Variants in SNRNP200 observed in about 807,000 individuals in gnomAD.
SNRNP200 encodes small nuclear ribonucleoprotein U5 subunit 200.
In SNRNP200, 66 loss-of-function variants were observed where a neutral mutation model predicts 255.2. That is an observed-to-expected ratio of 0.26 (90% CI 0.21 to 0.32). SNRNP200 has a LOEUF of 0.32. Among genes scored for constraint, SNRNP200 ranks in the 10% least tolerant of loss-of-function variants. The pLI, the probability that SNRNP200 is intolerant of heterozygous loss-of-function variation, is 1.00. For synonymous variants in SNRNP200, 939 were observed against 1,027.8 expected (o/e 0.91, Z 1.65); for missense variants, 1,585 against 2,749.8 (o/e 0.58, Z 9.47).
Position 96,286,759 on chromosome 2 carries a change from G to A in SNRNP200, c.3758C>T (p.Thr1253Ile). The A allele has an allele frequency of 6.2e-7, 1 of 1,614,230 alleles. No homozygotes were observed. Among genetic ancestry groups the A allele is most frequent in the Non-Finnish European group, 8.5e-7 (1 of 1,180,040 alleles). The stretch of plus-strand genomic sequence containing the variant: ...CGGTTCAAAGACAGGCACGAAGAAT[G>A]TAATGAGGTGCTCGTCCTGGGCGTA... ...AKYAQDEHLITFFVPVFEPLP... is the reference protein window; with the variant it reads ...AKYAQDEHLIIFFVPVFEPLP... The change falls in exon 28 of 45, where the codon ACA becomes ATA. Residue 1253 changes from threonine to isoleucine, a missense_variant. Coordinates refer to ENST00000323853, the MANE Select transcript of SNRNP200 (RefSeq NM_014014.5). The surrounding 1 kb of genome is among the most constrained non-coding windows in gnomAD (Gnocchi z 4.8).
rs2063832854 is a variant in SNRNP200 at position 96,284,780 on chromosome 2, G to A, written c.4165-195C>T. 20 of 590,558 alleles carry A rather than the reference G, an allele frequency of 3.4e-5. 1 individual carries two copies. The South Asian group carries it at 3.8e-4, about 11-fold the overall frequency. The allele number at this position is 590,558 out of a possible 1,614,324, so 36.6% of individuals were successfully genotyped here. ...TTTTTTTCTTTTGAGATGAAGTCTCGCTCTTGTTGCCCAGGCTGGAGTGCA... is the reference window on the plus strand; with the variant it reads ...TTTTTTTCTTTTGAGATGAAGTCTCACTCTTGTTGCCCAGGCTGGAGTGCA... On this transcript the variant is annotated intron_variant, in intron 30 of 44. Transcript: ENST00000323853.
rs547236304 is a variant in SNRNP200 at position 96,295,223 on chromosome 2, CAAAT to C, written c.1842+261_1842+264del. On this transcript the variant is annotated intron_variant, in intron 14 of 44. Coordinates refer to ENST00000323853, the MANE Select transcript of SNRNP200 (RefSeq NM_014014.5). Reference sequence around the variant, plus strand: ...ACTCCATCTCAAACAAACAAACAAACAAATAAATAAATAAATAAGATGGCAAACA... The same window carrying C: ...ACTCCATCTCAAACAAACAAACAAACAAATAAATAAATAAGATGGCAAACA... 3.4e-4 allele frequency among the ~76,000 whole-genome samples: 51 copies of C among 151,394 alleles called. No homozygotes were observed. In the South Asian group the frequency reaches 7.2e-3, roughly 21 times the overall value.
rs1340599323 is a variant in SNRNP200, at chr2:96,290,194, G to A, written c.2742+132C>T. ...TGGTAACAAGGGGAACTATCTGCCA[G>A]ACCCAAGATGTGGGTGCAGGGATGG... On this transcript the variant is annotated intron_variant, in intron 20 of 44. Coordinates refer to ENST00000323853, the MANE Select transcript of SNRNP200 (RefSeq NM_014014.5). The surrounding 1 kb of genome is among the most constrained non-coding windows in gnomAD (Gnocchi z 4.5). 4.5e-6 allele frequency: 5 copies of A among 1,116,540 alleles called. No individual in the cohort carries two copies. Among genetic ancestry groups the A allele is most frequent in the Middle Eastern group, 2.8e-4 (1 of 3,520 alleles). 69.2% of individuals were successfully genotyped at this position (1,116,540 alleles called of 1,614,324 possible).
At chr2:96,302,682 G>C (rs2063960444) in intron 3 of SNRNP200, among the ~76,000 whole-genome samples, 1 of 152,178 alleles carries the variant, frequency 6.6e-6, no homozygotes, top group South Asian at 2.1e-4. Context: ...CAGGTTGTTT[G>C]ACCTGTGCTT....
chr2:96,277,287 C>A lies in SNRNP200; in HGVS notation c.5932-46G>T, dbSNP rs1336081734. 1.3e-6 allele frequency: 2 copies of A among 1,599,226 alleles called. No homozygotes were observed. The highest frequency in any genetic ancestry group is 8.6e-7 in the Non-Finnish European group (1 of 1,166,636). On this transcript the variant is annotated intron_variant, in intron 41 of 44. Transcript: ENST00000323853. The surrounding 1 kb of genome is among the most constrained non-coding windows in gnomAD (Gnocchi z 4.4). ...TCAGGAAAGAGAGAACACGGGCCAA[C>A]AGCAAATGACACAGGCAGCAAAGAG...
At chr2:96,276,025 AAC>A (rs1684651985) in intron 43 of SNRNP200, among the ~76,000 whole-genome samples, 1 of 152,240 alleles carries the variant, frequency 6.6e-6, no homozygotes, top group Non-Finnish European at 1.5e-5. Flanking sequence ...GAAAAAGCTT[AAC>A]ACAGAGCTGA....
Position 96,297,655 on chromosome 2 carries a change from A to G in SNRNP200, c.1185T>C (p.Asp395=), listed in dbSNP as rs750839425. ...SRMDTDLETM[D]LDQGGEALAP... ...ATCCTACCTCTCCACCCTGGTCGAG[A>G]TCCATGGTTTCCAGATCTGTGTCCA... Residue 395 remains aspartate, a synonymous_variant, in exon 10 of 45, where the codon GAT becomes GAC. Transcript: ENST00000323853. The G allele has an allele frequency of 6.2e-7, 1 of 1,614,234 alleles. No individual in the cohort carries two copies. Among genetic ancestry groups the G allele is most frequent in the East Asian group, 2.2e-5 (1 of 44,890 alleles).
rs576055038 is a variant in SNRNP200 at position 96,285,658 on chromosome 2, C to T, written c.4004-318G>A. 6.6e-5 allele frequency among the ~76,000 whole-genome samples: 10 copies of T among 152,330 alleles called. 1 individual carries two copies. Among genetic ancestry groups the T allele is most frequent in the Admixed American group, 3.9e-4 (6 of 15,300 alleles). ...TCTTTGCTTCTCAGGGACTAGGATG[C>T]GGGACAGAAAGGAACTGGATCCCTT... On this transcript the variant is annotated intron_variant, in intron 29 of 44. Transcript: ENST00000323853.
intron 35 of SNRNP200, among the ~76,000 whole-genome samples, chr2:96,280,568 G>A (rs1473399808): frequency 7.1e-6 from 1 of 141,408 alleles, no homozygotes; most frequent in Non-Finnish European, 1.6e-5. Context: ...CTTTTTTTTT[G>A]AGATGGAGTC....
intron 35 of SNRNP200, among the ~76,000 whole-genome samples, chr2:96,280,350 T>C (rs1200563919): frequency 6.6e-6 from 1 of 151,926 alleles, no homozygotes; most frequent in Admixed American, 6.6e-5. Context: ...AAGGAAAAAT[T>C]AGCTGGGAGT....
In SNRNP200 at chr2:96,290,954, T is replaced by C. The variant is rs2063880512; in HGVS notation, c.2422-139A>G. ...CGCGTGGGGTCCCAGTACTTGTCAA[T>C]GTGACACCAGAATAAAGAGGAAAGG... is the stretch of plus-strand genomic sequence containing the variant. On this transcript the variant is annotated intron_variant, in intron 18 of 44. Transcript: ENST00000323853. The surrounding 1 kb of genome is among the most constrained non-coding windows in gnomAD (Gnocchi z 4.5). 2 of 895,988 alleles carry C rather than the reference T, an allele frequency of 2.2e-6. No homozygotes were observed. Among genetic ancestry groups the C allele is most frequent in the Admixed American group, 2.0e-5 (1 of 49,730 alleles). The allele number at this position is 895,988 out of a possible 1,614,324, so 55.5% of individuals were successfully genotyped here.
chr2:96,276,992 G>T lies in SNRNP200; in HGVS notation c.6093-7C>A, dbSNP rs201143866. On this transcript the variant is annotated splice_region_variant and splice_polypyrimidine_tract_variant and intron_variant, in intron 42 of 44. Coordinates refer to ENST00000323853, the MANE Select transcript of SNRNP200 (RefSeq NM_014014.5). ...CACCACAACTGGCCCGCCACTGCAGGGGGAGAGGAGGGGCGCACGTCAGTG... is the reference window on the plus strand; with the variant it reads ...CACCACAACTGGCCCGCCACTGCAGTGGGAGAGGAGGGGCGCACGTCAGTG... 3.5e-5 allele frequency: 57 copies of T among 1,614,098 alleles called. 1 individual carries two copies. In the East Asian group the frequency reaches 1.2e-3, roughly 33 times the overall value.
chr2:96,290,740 C>T lies in SNRNP200; in HGVS notation c.2497G>A (p.Val833Met). ...AHTVIIKGTQ[V>M]YSPEKGRWTE... ...CAACGCCCCTTCTCTGGACTGTACA[C>T]CTGGGTGCCTTTGATGATGACTGTA... The change falls in exon 19 of 45, where the codon GTG becomes ATG. Residue 833 changes from valine to methionine, a missense_variant. Around this residue, in one of 9 missense-constraint regions of SNRNP200, gnomAD observed 140 missense variants for 274.9 expected, o/e 0.51. Coordinates refer to ENST00000323853, the MANE Select transcript of SNRNP200 (RefSeq NM_014014.5). This position sits in a 1 kb window ranked among gnomAD's most constrained non-coding sequence, Gnocchi z 4.5. 6.2e-7 allele frequency: 1 copy of T among 1,614,204 alleles called. No individual in the cohort carries two copies. Among genetic ancestry groups the T allele is most frequent in the Non-Finnish European group, 8.5e-7 (1 of 1,180,042 alleles).
chr2:96,285,287 C>A lies in SNRNP200; in HGVS notation c.4057G>T (p.Gly1353Cys). ...TCTGCACAAATAGTCTTCCCGCTGC[C>A]CGTGGGGGCCCCCACAAACACGTTG... Reference protein sequence around the residue: ...DDNVFVGAPTGSGKTICAEFA... With the variant: ...DDNVFVGAPTCSGKTICAEFA... Residue 1353 changes from glycine to cysteine, a missense_variant, in exon 30 of 45, where the codon GGC becomes TGC. By Grantham distance (159) the Gly-to-Cys change is radical (BLOSUM62 -3). This residue lies in a region of SNRNP200 where 719 missense variants were observed against 1,091.1 expected (regional missense o/e 0.66). Coordinates refer to ENST00000323853, the MANE Select transcript of SNRNP200 (RefSeq NM_014014.5). 1 of 1,614,168 alleles carries A rather than the reference C, an allele frequency of 6.2e-7. No homozygotes were observed.
intron 14 of SNRNP200, among the ~76,000 whole-genome samples, chr2:96,294,504 A>G (rs2063905001): frequency 6.6e-6 from 1 of 152,214 alleles, no homozygotes; most frequent in African/African-American, 2.4e-5. Flanking sequence ...GCAAATACTC[A>G]GCTCTGCCAT....
intron 2 of SNRNP200, among the ~76,000 whole-genome samples, chr2:96,304,280 TAAGA>T (rs1213026352): frequency 1.3e-5 from 2 of 151,704 alleles, no homozygotes; most frequent in Non-Finnish European, 2.9e-5. Flanking sequence ...AAATGCAAAC[TAAGA>T]AAGAAACCTG....
intron 2 of SNRNP200, among the ~76,000 whole-genome samples, chr2:96,303,746 C>T (rs536154802): frequency 5.9e-4 from 90 of 152,110 alleles, no homozygotes; most frequent in Non-Finnish European, 1.0e-3. Context: ...AAAAATTAGC[C>T]GGGCACAGTG....
intron 11 of SNRNP200, 25 bp downstream of exon 11, chr2:96,297,338 G>A: frequency 1.9e-6 from 3 of 1,612,332 alleles, no homozygotes; most frequent in East Asian, 2.2e-5. Flanking sequence ...ACTGAGCAGA[G>A]AACTGAAGAA....
intron 35 of SNRNP200, chr2:96,279,846 G>T: frequency 2.7e-6 from 1 of 364,826 alleles, no homozygotes; most frequent in East Asian, 6.2e-5. Flanking sequence ...CCTATTCGAG[G>T]ATCAAATATG....
Sources: gnomAD v4.1 joint callset for allele counts (sites outside exome capture counted in the v4.1 genomes callset) on GRCh38, gnomAD v4.1.1 for gene constraint, gnomAD v4.1.1 regional missense constraint, Gnocchi (gnomAD v3.1) non-coding constraint, MANE v1.5 for transcripts, NCBI Gene and HGNC (gene_info 2026-07-23, HGNC 2026-07-21) for gene names.